The following HECW1 variants were observed in gnomAD, a reference collection of about 807,000 sequenced individuals.
The protein encoded by HECW1 is E3 ubiquitin-protein ligase HECW1.
A neutral mutation model predicts 182.3 loss-of-function variants in HECW1; 61 were observed. The observed-to-expected ratio is 0.33, with a 90% CI of 0.27 to 0.41. The LOEUF is 0.41. HECW1 is among the 10% of genes least tolerant of loss of function. The pLI is 1.00. For synonymous variants in HECW1, 859 were observed against 832.6 expected (o/e 1.03, Z -0.55); for missense variants, 1,739 against 2,108.9 (o/e 0.82, Z 3.44).
intron 19 of HECW1, among the ~76,000 whole-genome samples, chr7:43,494,456 C>A (rs1370245682): frequency 6.6e-6 from 1 of 152,018 alleles, no homozygotes; most frequent in Non-Finnish European, 1.5e-5. Flanking sequence ...GACCTCCCTA[C>A]CCTTCAAAAA....
chr7:43,378,181 G>C (rs2074401316), intron 6 of HECW1, among the ~76,000 whole-genome samples: 1 of 152,142 alleles, frequency 6.6e-6, no homozygotes, highest in Non-Finnish European at 1.5e-5. Context: ...TTGTAATCTA[G>C]TTATTCTAAT....
At chr7:43,438,298 G>A (rs954048778) in intron 9 of HECW1, 153 bp downstream of exon 9, 8 of 602,506 alleles carry the variant, frequency 1.3e-5, no homozygotes, top group African/African-American at 1.1e-4. Context: ...TGTTGCCTGA[G>A]CCAACATAAG....
chr7:43,517,022 G>A (rs889912142), intron 24 of HECW1, among the ~76,000 whole-genome samples: 3 of 152,150 alleles, frequency 2.0e-5, no homozygotes, highest in Admixed American at 6.6e-5. Flanking sequence ...TTGTATATGT[G>A]GTCTGTCATT....
intron 12 of HECW1, among the ~76,000 whole-genome samples, chr7:43,454,436 C>G (rs1448464013): frequency 1.3e-5 from 2 of 152,136 alleles, no homozygotes. Context: ...GATTAATTAC[C>G]TAGTAATCAT....
At chr7:43,189,075 C>G (rs1403507453) in intron 2 of HECW1, among the ~76,000 whole-genome samples, 2 of 152,144 alleles carry the variant, frequency 1.3e-5, no homozygotes, top group Non-Finnish European at 2.9e-5. Flanking sequence ...GAGTTGAATG[C>G]TTACAGAGGC....
intron 24 of HECW1, among the ~76,000 whole-genome samples, chr7:43,535,208 G>A (rs766739143): frequency 1.3e-5 from 2 of 152,212 alleles, no homozygotes; most frequent in South Asian, 4.1e-4. Context: ...CGCTGAAGGG[G>A]AGGGTTGAGT....
At chr7:43,500,054 C>T (rs1028199719) in intron 19 of HECW1, among the ~76,000 whole-genome samples, 11 of 151,952 alleles carry the variant, frequency 7.2e-5, no homozygotes, top group African/African-American at 2.7e-4. Context: ...CACCCCGCAA[C>T]TCACTCTTTC....
chr7:43,396,802 T>C lies in HECW1; in HGVS notation c.556-12T>C, dbSNP rs1339341461. ...TTGTTTTGTTTGTCTCCCATTTTCCTTCTTTTTACAGATTTTTAAAAGCAT... is the reference window on the plus strand; with the variant it reads ...TTGTTTTGTTTGTCTCCCATTTTCCCTCTTTTTACAGATTTTTAAAAGCAT... On this transcript the variant is annotated splice_polypyrimidine_tract_variant and intron_variant, in intron 6 of 29. Transcript: ENST00000395891. 2 of 1,601,808 alleles carry C rather than the reference T, an allele frequency of 1.2e-6. No individual in the cohort carries two copies. Among genetic ancestry groups the C allele is most frequent in the Non-Finnish European group, 1.7e-6 (2 of 1,170,388 alleles).
chr7:43,301,984 A>G (rs1286989129), intron 3 of HECW1, among the ~76,000 whole-genome samples: 1 of 152,192 alleles, frequency 6.6e-6, no homozygotes, highest in Non-Finnish European at 1.5e-5. Context: ...AATTTAAAAG[A>G]GAGCATCTTT....
intron 3 of HECW1, among the ~76,000 whole-genome samples, chr7:43,263,434 C>G (rs1055991850): frequency 3.5e-4 from 54 of 152,190 alleles, no homozygotes; most frequent in African/African-American, 1.3e-3. Context: ...CATCTTGGCT[C>G]ACTACAACCT....
At chr7:43,456,155 G>T in intron 12 of HECW1, 142 bp from the exon 13 acceptor site, 1 of 660,890 alleles carries the variant, frequency 1.5e-6, no homozygotes, top group Non-Finnish European at 2.4e-6. Context: ...AGTCGTGGTG[G>T]CAGGTGCTGT....
At position 43,445,498 on chromosome 7, in the gene HECW1, C is replaced by G; in HGVS notation, c.2326C>G (p.Pro776Ala). ...GCCGTGGCAAGACGAGCTGGCCGCC[C>G]CTAGCGGGCACGTGGAAAGAAGCCC... The part of the protein sequence containing the change: ...AGPWQDELAA[P>A]SGHVERSPEG... The change falls in exon 11 of 30, where the codon CCT becomes GCT. Residue 776 changes from proline (P) to alanine (A), a missense_variant. By Grantham distance (27) the Pro-to-Ala change is conservative. Around this residue, in one of 5 missense-constraint regions of HECW1, gnomAD observed 971 missense variants for 1,029.1 expected, o/e 0.94. Coordinates refer to ENST00000395891, the MANE Select transcript of HECW1 (RefSeq NM_015052.5). 1.2e-6 allele frequency: 2 copies of G among 1,611,620 alleles called. No homozygotes were observed. Among genetic ancestry groups the G allele is most frequent in the South Asian group, 2.2e-5 (2 of 91,040 alleles).
At chr7:43,481,680 T>A (rs1049800412) in intron 17 of HECW1, among the ~76,000 whole-genome samples, 1 of 152,208 alleles carries the variant, frequency 6.6e-6, no homozygotes, top group Non-Finnish European at 1.5e-5. Flanking sequence ...AAGTGCCATC[T>A]GTATCAGTTA....
Position 43,563,299 on chromosome 7 carries a change from A to G in HECW1, c.*1373A>G, listed in dbSNP as rs1435080491. On this transcript the variant is annotated 3_prime_UTR_variant, in exon 30 of 30. Transcript: ENST00000395891. ...CAGCTGCAGGCTCCAAAGACAGCCT[A>G]ACCTCTCAACTACATTTGAAATAAA... is the stretch of plus-strand genomic sequence containing the variant. The G allele has an allele frequency of 4.7e-6, 1 of 211,392 alleles. No individual in the cohort carries two copies. The highest frequency in any genetic ancestry group is 9.6e-6 in the Non-Finnish European group (1 of 104,268). 13.1% of individuals were successfully genotyped at this position (211,392 alleles called of 1,614,324 possible).
At chr7:43,238,961 A>C (rs1337567956) in intron 2 of HECW1, 1 of 152,248 alleles carries the variant, frequency 6.6e-6, no homozygotes, top group African/African-American at 2.4e-5. Context: ...GTTATATAAC[A>C]GTAAATTTTA....
At chr7:43,508,582 A>C in intron 23 of HECW1, 1 of 250,796 alleles carries the variant, frequency 4.0e-6, no homozygotes, top group Non-Finnish European at 7.7e-6. Flanking sequence ...GTCCACCCAC[A>C]TACACATACA....
At position 43,466,471 on chromosome 7, in the gene HECW1, C is replaced by T; in HGVS notation, c.2816C>T (p.Ser939Phe). 1 of 1,613,778 alleles carries T rather than the reference C, an allele frequency of 6.2e-7. No individual in the cohort carries two copies. Among genetic ancestry groups the T allele is most frequent in the Non-Finnish European group, 8.5e-7 (1 of 1,179,744 alleles). ...GATCTAAGGAGAGAAGGGTCACTTT[C>T]TCCAGTGAACTCACAAAAAATCACC... is the stretch of plus-strand genomic sequence containing the variant. ...SLDLRREGSL[S>F]PVNSQKITLL... The change falls in exon 15 of 30, where the codon TCT (serine) becomes TTT (phenylalanine). Residue 939 changes from serine (S) to phenylalanine (F), a missense_variant. Physicochemically the swap from Ser to Phe is radical, Grantham distance 155 (BLOSUM62 -2). Coordinates refer to ENST00000395891, the MANE Select transcript of HECW1 (RefSeq NM_015052.5).
chr7:43,458,775 A>C (rs1433298198), intron 13 of HECW1, among the ~76,000 whole-genome samples: 2 of 152,186 alleles, frequency 1.3e-5, no homozygotes, highest in African/African-American at 4.8e-5. Flanking sequence ...ACCACACAGA[A>C]AGTCGTTTTT....
chr7:43,337,393 G>C (rs542266029), intron 5 of HECW1, among the ~76,000 whole-genome samples: 1 of 152,064 alleles, frequency 6.6e-6, no homozygotes, highest in South Asian at 2.1e-4. Flanking sequence ...TTTTCTTGTT[G>C]AGTTGTTTGA....
Sources: allele counts gnomAD v4.1 joint callset (sites outside exome capture counted in the v4.1 genomes callset), GRCh38; gene constraint gnomAD v4.1.1; regional missense constraint gnomAD v4.1.1; transcripts MANE v1.5; gene names NCBI Gene and HGNC (gene_info 2026-07-23, HGNC 2026-07-21).